Variants in MAPK4 observed in about 807,000 individuals in gnomAD.
MAPK4 encodes mitogen-activated protein kinase 4, also known as Erk3-related.
MAPK4 carries 22 observed loss-of-function variants against 47.7 expected under a neutral mutation model. The ratio of observed to expected loss-of-function variants is 0.46; its 90% CI spans 0.33 to 0.66. MAPK4 has a LOEUF of 0.66. MAPK4 is among the 30% of genes least tolerant of loss of function. MAPK4 has a pLI of 0.02. For synonymous variants in MAPK4, 390 were observed against 365.7 expected (o/e 1.07, Z -0.76); for missense variants, 736 against 831.7 (o/e 0.88, Z 1.42).
chr18:50,622,179 T>C (rs979670720), intron 1 of MAPK4, among the ~76,000 whole-genome samples: 1 of 152,130 alleles, frequency 6.6e-6, no homozygotes, highest in Non-Finnish European at 1.5e-5. Flanking sequence ...CCATGTATTT[T>C]TTAGGGGCCT....
intron 2 of MAPK4, among the ~76,000 whole-genome samples, chr18:50,700,733 G>A (rs181222159): frequency 6.6e-6 from 1 of 152,242 alleles, no homozygotes; most frequent in East Asian, 1.9e-4. Flanking sequence ...AAACCCTCTC[G>A]GGTGCATTGC....
intron 2 of MAPK4, among the ~76,000 whole-genome samples, chr18:50,684,786 C>G (rs1178154003): frequency 1.3e-5 from 2 of 152,066 alleles, no homozygotes; most frequent in Non-Finnish European, 2.9e-5. Context: ...CTTGGGAACT[C>G]TCCAGAAGGC....
At chr18:50,684,236 T>G (rs1908743155) in intron 2 of MAPK4, among the ~76,000 whole-genome samples, 1 of 152,190 alleles carries the variant, frequency 6.6e-6, no homozygotes, top group Non-Finnish European at 1.5e-5. Flanking sequence ...TTGAGTGGCT[T>G]CTGTTATTGC....
chr18:50,686,024 C>T (rs1027654933), intron 2 of MAPK4, among the ~76,000 whole-genome samples: 1 of 151,902 alleles, frequency 6.6e-6, no homozygotes, highest in Non-Finnish European at 1.5e-5. Flanking sequence ...CCTAGAAAGG[C>T]CCCCTAGAAG....
intron 1 of MAPK4, among the ~76,000 whole-genome samples, chr18:50,623,665 C>A (rs1440773017): frequency 6.6e-6 from 1 of 152,224 alleles, no homozygotes; most frequent in African/African-American, 2.4e-5. Flanking sequence ...GCAATACATT[C>A]TTTGCATTTC....
intron 2 of MAPK4, among the ~76,000 whole-genome samples, chr18:50,707,465 G>C (rs1483594449): frequency 1.3e-5 from 2 of 151,792 alleles, no homozygotes; most frequent in Non-Finnish European, 1.5e-5. Flanking sequence ...AGTCACTCTG[G>C]GGGGTTAAAG....
intron 1 of MAPK4, among the ~76,000 whole-genome samples, chr18:50,566,560 G>A (rs1175147977): frequency 1.3e-5 from 2 of 152,150 alleles, no homozygotes; most frequent in Non-Finnish European, 2.9e-5. Flanking sequence ...CAGGAAAAGG[G>A]TTTGATAACT....
intron 1 of MAPK4, among the ~76,000 whole-genome samples, chr18:50,631,120 G>A (rs1312706885): frequency 1.3e-5 from 2 of 152,202 alleles, no homozygotes; most frequent in Non-Finnish European, 2.9e-5. Flanking sequence ...AGGGTGACAC[G>A]CTGCCTTCTG....
chr18:50,653,216 G>T (rs1342118229), intron 1 of MAPK4, among the ~76,000 whole-genome samples: 4 of 151,992 alleles, frequency 2.6e-5, no homozygotes, highest in Non-Finnish European at 5.9e-5. Context: ...AAAGAACCAG[G>T]CGAAGAGAAG....
intron 2 of MAPK4, among the ~76,000 whole-genome samples, chr18:50,682,921 A>G (rs1908667411): frequency 6.6e-6 from 1 of 152,266 alleles, no homozygotes. Context: ...CATTCACAAC[A>G]CTACAGATGT....
At chr18:50,722,204 G>C in intron 4 of MAPK4, 105 bp downstream of exon 4, 2 of 1,293,390 alleles carry the variant, frequency 1.5e-6, no homozygotes, top group Non-Finnish European at 2.1e-6. Flanking sequence ...GCAAAGCATG[G>C]TCCTTGGATA....
chr18:50,655,521 G>T (rs1311812257), intron 1 of MAPK4, among the ~76,000 whole-genome samples: 2 of 152,142 alleles, frequency 1.3e-5, no homozygotes, highest in African/African-American at 4.8e-5. Context: ...AGCATGCACA[G>T]GTCACTCCAC....
intron 1 of MAPK4, among the ~76,000 whole-genome samples, chr18:50,571,285 C>T (rs115124572): frequency 0.01 from 1,556 of 152,244 alleles, 29 homozygotes; most frequent in African/African-American, 0.035. Context: ...AATAGAAATC[C>T]TCCAATTCGA....
chr18:50,675,015 A>G (rs147399391), intron 2 of MAPK4, among the ~76,000 whole-genome samples: 1 of 152,268 alleles, frequency 6.6e-6, no homozygotes, highest in African/African-American at 2.4e-5. Context: ...CCCCTATACA[A>G]AAATATTCAG....
At position 50,662,487 on chromosome 18, in the gene MAPK4, G is replaced by A. The variant is rs150992346; in HGVS notation, c.-870-602G>A. Among the ~76,000 whole-genome samples, 11 of 152,354 alleles carry A rather than the reference G, an allele frequency of 7.2e-5. No homozygotes were observed. In the East Asian group the frequency reaches 1.7e-3, roughly 24 times the overall value. ...GGGAACTCTGCACCCTGGTTTCTGGGCAAAGAGAGTCCTTTTATTATAGGT... is the reference window on the plus strand; with the variant it reads ...GGGAACTCTGCACCCTGGTTTCTGGACAAAGAGAGTCCTTTTATTATAGGT... On this transcript the variant is annotated intron_variant, in intron 1 of 5. Coordinates refer to ENST00000400384, the MANE Select transcript of MAPK4 (RefSeq NM_002747.4).
chr18:50,677,084 A>G (rs112876818), intron 2 of MAPK4, among the ~76,000 whole-genome samples: 1 of 152,222 alleles, frequency 6.6e-6, no homozygotes, highest in Non-Finnish European at 1.5e-5. Context: ...CCCTATTGTG[A>G]ACTGCGCATA....
intron 2 of MAPK4, among the ~76,000 whole-genome samples, chr18:50,672,365 G>A (rs1291789618): frequency 6.6e-6 from 1 of 152,196 alleles, no homozygotes; most frequent in Non-Finnish European, 1.5e-5. Flanking sequence ...GAGCTGAAAA[G>A]ATTTATTTAA....
intron 1 of MAPK4, among the ~76,000 whole-genome samples, chr18:50,566,909 G>GT (rs2042203657): frequency 6.6e-6 from 1 of 152,070 alleles, no homozygotes; most frequent in African/African-American, 2.4e-5. Flanking sequence ...TTTTTAGTGT[G>GT]TTTTTCAGCC....
intron 1 of MAPK4, among the ~76,000 whole-genome samples, chr18:50,572,876 A>G (rs1447743504): frequency 1.3e-5 from 2 of 152,198 alleles, no homozygotes; most frequent in Non-Finnish European, 2.9e-5. Flanking sequence ...CACCACCAAA[A>G]GCAACGTCAG....
Sources: gnomAD v4.1 joint callset for allele counts (sites outside exome capture counted in the v4.1 genomes callset) on GRCh38, gnomAD v4.1.1 for gene constraint, MANE v1.5 for transcripts, NCBI Gene and HGNC (gene_info 2026-07-23, HGNC 2026-07-21) for gene names.